FHIT: variants seen among roughly 807,000 people sequenced by gnomAD.
The protein encoded by FHIT is bis(5'-adenosyl)-triphosphatase.
Under a neutral mutation model 17.9 loss-of-function variants are expected in FHIT, and 19 were observed. The ratio of observed to expected loss-of-function variants is 1.06; its 90% confidence interval spans 0.74 to 1.56. FHIT has a LOEUF of 1.56. Ranked by LOEUF, FHIT falls within the 40% of genes most tolerant of loss-of-function variation. The pLI is 0.00. For missense variants in FHIT, 248 were observed against 189.2 expected, an observed-to-expected ratio of 1.31 and a Z score of -1.82; for synonymous variants, 81 against 69.7, an observed-to-expected ratio of 1.16 and a Z score of -0.81.
chr3:61,158,442 T>G (rs1005731723), intron 2 of FHIT, among the ~76,000 whole-genome samples: 1 of 152,196 alleles, frequency 6.6e-6, no homozygotes, highest in Non-Finnish European at 1.5e-5. Context: ...TCTAGGAAGC[T>G]GTAAATTAAA....
intron 7 of FHIT, among the ~76,000 whole-genome samples, chr3:59,992,543 G>C (rs936950376): frequency 2.6e-5 from 4 of 152,044 alleles, no homozygotes; most frequent in African/African-American, 9.7e-5. Context: ...ATTACTCCCA[G>C]AGACTGGATC....
At chr3:61,082,889 AC>A (rs201436323) in intron 2 of FHIT, among the ~76,000 whole-genome samples, 1,911 of 152,248 alleles carry the variant, frequency 0.013, 41 homozygotes, top group African/African-American at 0.043. Context: ...CCATCCAAGT[AC>A]TAATCAGGCC....
intron 5 of FHIT, among the ~76,000 whole-genome samples, chr3:60,197,014 C>T (rs1227430141): frequency 6.6e-6 from 1 of 152,102 alleles, no homozygotes; most frequent in African/African-American, 2.4e-5. Flanking sequence ...TAGATAGATA[C>T]ATATATACGT....
intron 5 of FHIT, among the ~76,000 whole-genome samples, chr3:60,453,937 G>C (rs749173375): frequency 6.6e-6 from 1 of 152,064 alleles, no homozygotes; most frequent in Non-Finnish European, 1.5e-5. Context: ...GGGAGATAAT[G>C]CTGAGTAATG....
At chr3:60,070,482 A>G (rs1229122118) in intron 5 of FHIT, among the ~76,000 whole-genome samples, 1 of 152,260 alleles carries the variant, frequency 6.6e-6, no homozygotes, top group African/African-American at 2.4e-5. Context: ...GCTTTCATTA[A>G]TAAGACTTTT....
At chr3:60,081,757 G>A (rs1416529358) in intron 5 of FHIT, among the ~76,000 whole-genome samples, 1 of 152,052 alleles carries the variant, frequency 6.6e-6, no homozygotes, top group Non-Finnish European at 1.5e-5. Flanking sequence ...TGTGTTTTGA[G>A]AGATATATAC....
intron 4 of FHIT, among the ~76,000 whole-genome samples, chr3:60,584,037 C>T (rs537700183): frequency 5.9e-5 from 9 of 152,186 alleles, no homozygotes; most frequent in Middle Eastern, 6.8e-3. Flanking sequence ...AGCCTCCAAG[C>T]TCCTCACAGC....
chr3:60,409,054 T>A (rs1387486114), intron 5 of FHIT, among the ~76,000 whole-genome samples: 2 of 152,196 alleles, frequency 1.3e-5, no homozygotes, highest in East Asian at 3.9e-4. Flanking sequence ...AGTTCCTTAC[T>A]ATTTATTTGA....
At chr3:59,894,812 T>C (rs534081075) in intron 8 of FHIT, among the ~76,000 whole-genome samples, 1 of 152,346 alleles carries the variant, frequency 6.6e-6, no homozygotes, top group African/African-American at 2.4e-5. Context: ...ATCCTACTTC[T>C]AACCAAAGTG....
At chr3:60,049,508 T>C (rs1196089938) in intron 5 of FHIT, among the ~76,000 whole-genome samples, 2 of 152,138 alleles carry the variant, frequency 1.3e-5, no homozygotes, top group Non-Finnish European at 2.9e-5. Flanking sequence ...ATCAATCAGT[T>C]CCAATGAAAA....
At chr3:60,658,441 C>T (rs2040166611) in intron 4 of FHIT, among the ~76,000 whole-genome samples, 1 of 151,868 alleles carries the variant, frequency 6.6e-6, no homozygotes. Context: ...CTCATTTCCC[C>T]TTGTGTATAT....
chr3:60,957,239 T>A (rs1419334563), intron 3 of FHIT, among the ~76,000 whole-genome samples: 1 of 144,752 alleles, frequency 6.9e-6, no homozygotes, highest in Non-Finnish European at 1.5e-5. Context: ...CTTTCTTTTT[T>A]TTTTTTTTTT....
chr3:61,156,368 G>C (rs556601492), intron 2 of FHIT, among the ~76,000 whole-genome samples: 2 of 151,776 alleles, frequency 1.3e-5, no homozygotes, highest in East Asian at 3.9e-4. Context: ...GGTGACCTTG[G>C]GGAGATGCCA....
intron 5 of FHIT, among the ~76,000 whole-genome samples, chr3:60,272,076 C>T (rs1291399298): frequency 6.6e-6 from 1 of 152,154 alleles, no homozygotes; most frequent in Non-Finnish European, 1.5e-5. Context: ...AGCTCTACAC[C>T]ACGCTGCAGT....
At chr3:60,663,392 T>C (rs1197000254) in intron 4 of FHIT, among the ~76,000 whole-genome samples, 2 of 151,800 alleles carry the variant, frequency 1.3e-5, no homozygotes, top group Non-Finnish European at 2.9e-5. Context: ...ATCAGCATTT[T>C]GTAATTTCAT....
At position 59,758,117 on chromosome 3, in the gene FHIT, A is replaced by G. The variant is rs998785562; in HGVS notation, c.349-5796T>C. On this transcript the variant is annotated intron_variant, in intron 8 of 9. Coordinates refer to ENST00000492590, the MANE Select transcript of FHIT (RefSeq NM_002012.4). The stretch of plus-strand genomic sequence containing the variant: ...GGGAGACAAAATAATTCTTGCTGGA[A>G]TTCAGGTCTGAGATTGACTTTTAAA... Among the ~76,000 whole-genome samples, 4 of 152,336 alleles carry G rather than the reference A, an allele frequency of 2.6e-5. No individual in the cohort carries two copies. In the South Asian group the frequency reaches 8.3e-4, roughly 32 times the overall value.
intron 4 of FHIT, among the ~76,000 whole-genome samples, chr3:60,735,716 G>A (rs1440477470): frequency 6.6e-6 from 1 of 152,116 alleles, no homozygotes; most frequent in African/African-American, 2.4e-5. Context: ...GAGGCAAAAA[G>A]CTCTTAACTT....
At chr3:60,747,257 G>A (rs973036310) in intron 4 of FHIT, among the ~76,000 whole-genome samples, 2 of 151,982 alleles carry the variant, frequency 1.3e-5, no homozygotes, top group East Asian at 1.9e-4. Context: ...GCCATTCCTC[G>A]GATCTGTTTA....
At chr3:59,905,792 C>T (rs1417549346) in intron 8 of FHIT, among the ~76,000 whole-genome samples, 6 of 152,110 alleles carry the variant, frequency 3.9e-5, no homozygotes, top group Non-Finnish European at 5.9e-5. Flanking sequence ...AAAACGTCAA[C>T]GTTCACAGCT....
Sources: allele counts gnomAD v4.1 joint callset (sites outside exome capture counted in the v4.1 genomes callset), GRCh38; gene constraint gnomAD v4.1.1; transcripts MANE v1.5; gene names NCBI Gene and HGNC (gene_info 2026-07-23, HGNC 2026-07-21).